The following UNC5B variants were observed in gnomAD, a reference collection of about 807,000 sequenced individuals.
The protein encoded by UNC5B is netrin receptor UNC5B.
In UNC5B, 56 loss-of-function variants were observed where a neutral mutation model predicts 103.7. The observed-to-expected ratio is 0.54, with a 90% CI of 0.44 to 0.67. The LOEUF is 0.67. UNC5B is among the 30% of genes least tolerant of loss of function. The pLI is 0.00. For missense variants in UNC5B, 1,194 were observed against 1,284.5 expected, an observed-to-expected ratio of 0.93 and a Z score of 1.08; for synonymous variants, 577 against 542.0, an observed-to-expected ratio of 1.06 and a Z score of -0.90.
At chr10:71,244,869 A>T (rs762264128) in intron 1 of UNC5B, among the ~76,000 whole-genome samples, 2 of 152,170 alleles carry the variant, frequency 1.3e-5, no homozygotes, top group African/African-American at 2.4e-5. Context: ...TGGCACGCAG[A>T]CCGCCTCCAG....
Position 71,295,895 on chromosome 10 carries a change from C to T in UNC5B, c.2260C>T (p.Leu754=), listed in dbSNP as rs1262301016. 6.2e-7 allele frequency: 1 copy of T among 1,613,366 alleles called. No individual in the cohort carries two copies. The highest frequency in any genetic ancestry group is 8.5e-7 in the Non-Finnish European group (1 of 1,180,028). The change falls in exon 14 of 17, where the codon CTG becomes TTG. Residue 754 remains leucine, a synonymous_variant. Coordinates refer to ENST00000335350, the MANE Select transcript of UNC5B (RefSeq NM_170744.5). ...AATGTTCAAGGACAGTTACCACAAC[C>T]TGCGCCTCTCCCTCCATGACCTCCC... is the stretch of plus-strand genomic sequence containing the variant. ...PLMFKDSYHN[L]RLSLHDLPHA...
At chr10:71,272,273 C>G (rs193234296) in intron 1 of UNC5B, among the ~76,000 whole-genome samples, 3 of 152,208 alleles carry the variant, frequency 2.0e-5, no homozygotes, top group African/African-American at 7.2e-5. Context: ...GTTTCTCTGT[C>G]CTCACCTCCC....
intron 1 of UNC5B, among the ~76,000 whole-genome samples, chr10:71,264,980 A>G (rs1430475490): frequency 6.6e-6 from 1 of 151,736 alleles, no homozygotes; most frequent in African/African-American, 2.4e-5. Context: ...ATAAAAAAAA[A>G]AAAAAAAAAA....
chr10:71,258,994 G>A (rs1406003396), intron 1 of UNC5B, among the ~76,000 whole-genome samples: 3 of 152,252 alleles, frequency 2.0e-5, no homozygotes, highest in South Asian at 2.1e-4. Flanking sequence ...GGCCACGTGA[G>A]CCCAATGTCA....
At chr10:71,214,542 T>C (rs937375288) in intron 1 of UNC5B, among the ~76,000 whole-genome samples, 2 of 151,940 alleles carry the variant, frequency 1.3e-5, no homozygotes, top group Non-Finnish European at 2.9e-5. Flanking sequence ...GGGAGGTGCT[T>C]GGTTGGGGTG....
At chr10:71,275,774 G>C (rs1844755743) in intron 1 of UNC5B, among the ~76,000 whole-genome samples, 1 of 151,992 alleles carries the variant, frequency 6.6e-6, no homozygotes, top group African/African-American at 2.4e-5. Context: ...TCACAGGGAA[G>C]CTGTGGGATA....
At chr10:71,256,484 G>A (rs1035923075) in intron 1 of UNC5B, among the ~76,000 whole-genome samples, 1 of 152,276 alleles carries the variant, frequency 6.6e-6, no homozygotes, top group Non-Finnish European at 1.5e-5. Flanking sequence ...TCCAGTGACA[G>A]GGGCAACCAC....
chr10:71,215,806 G>GGTGTGTGT (rs55848098), intron 1 of UNC5B, among the ~76,000 whole-genome samples: 45 of 149,654 alleles, frequency 3.0e-4, no homozygotes, highest in South Asian at 1.1e-3. Context: ...GTCTCTGCTT[G>GGTGTGTGT]GTGTGTGTGT....
rs544687773 is a variant in UNC5B, at chr10:71,266,494, T to C, written c.80-13327T>C. ...GCGGCCCAGCGATTACATCAGCAGG[T>C]GCAAACAAGCAGGCGGGAGCAGGGA... On this transcript the variant is annotated intron_variant, in intron 1 of 16. Coordinates refer to ENST00000335350, the MANE Select transcript of UNC5B (RefSeq NM_170744.5). Among the ~76,000 whole-genome samples the C allele has an allele frequency of 2.0e-5, 3 of 152,168 alleles. No homozygotes were observed. The East Asian group carries it at 5.8e-4, about 30-fold the overall frequency.
chr10:71,265,951 C>T (rs1480040324), intron 1 of UNC5B, among the ~76,000 whole-genome samples: 3 of 152,148 alleles, frequency 2.0e-5, no homozygotes, highest in Non-Finnish European at 2.9e-5. Context: ...TGAAGGTGCA[C>T]CTATTCTACA....
At chr10:71,245,727 C>T (rs1050829103) in intron 1 of UNC5B, among the ~76,000 whole-genome samples, 1 of 152,208 alleles carries the variant, frequency 6.6e-6, no homozygotes, top group Non-Finnish European at 1.5e-5. Context: ...GCTCCACCCA[C>T]AGCTGCCCTC....
chr10:71,222,767 G>T (rs1843477231), intron 1 of UNC5B, among the ~76,000 whole-genome samples: 1 of 152,208 alleles, frequency 6.6e-6, no homozygotes, highest in Non-Finnish European at 1.5e-5. Flanking sequence ...GATCACCCAG[G>T]AGCCTGCAAC....
intron 1 of UNC5B, among the ~76,000 whole-genome samples, chr10:71,254,031 G>T (rs1372983202): frequency 6.6e-6 from 1 of 152,280 alleles, no homozygotes; most frequent in Admixed American, 6.5e-5. Flanking sequence ...AGCACAGGGG[G>T]AAACGGATGC....
rs543244461 is a variant in UNC5B at position 71,246,519 on chromosome 10, A to G, written c.80-33302A>G. On this transcript the variant is annotated intron_variant, in intron 1 of 16. Transcript: ENST00000335350. Reference sequence around the variant, plus strand: ...TGTGGGTCAGAGTCCTACATATTCAATATCTATTCACCAACAATCAGTGGG... The same window carrying G: ...TGTGGGTCAGAGTCCTACATATTCAGTATCTATTCACCAACAATCAGTGGG... 4.6e-5 allele frequency among the ~76,000 whole-genome samples: 7 copies of G among 152,140 alleles called. No homozygotes were observed. In the South Asian group the frequency reaches 1.5e-3, roughly 32 times the overall value.
intron 4 of UNC5B, 85 bp downstream of exon 4, chr10:71,285,514 A>G: frequency 1.6e-6 from 2 of 1,237,116 alleles, no homozygotes; most frequent in Non-Finnish European, 2.2e-6. Context: ...ACCACCAGCC[A>G]TGGTGCTAGT....
At chr10:71,298,852 T>C (rs981925158) in intron 16 of UNC5B, among the ~76,000 whole-genome samples, 2 of 152,190 alleles carry the variant, frequency 1.3e-5, no homozygotes, top group African/African-American at 4.8e-5. Context: ...GCTAGACCCT[T>C]ACTTTATATG....
intron 1 of UNC5B, among the ~76,000 whole-genome samples, chr10:71,269,734 C>G (rs996214963): frequency 8.6e-5 from 13 of 151,972 alleles, no homozygotes; most frequent in African/African-American, 3.1e-4. Flanking sequence ...CAGAAACAGA[C>G]AGCAAGCTTA....
chr10:71,263,501 G>A (rs1355698698), intron 1 of UNC5B, among the ~76,000 whole-genome samples: 2 of 152,178 alleles, frequency 1.3e-5, no homozygotes, highest in Admixed American at 1.3e-4. Flanking sequence ...GTTATTAAGA[G>A]CCACCCGGAA....
intron 1 of UNC5B, among the ~76,000 whole-genome samples, chr10:71,259,385 CAAA>C (rs57245329): frequency 2.7e-4 from 24 of 90,288 alleles, no homozygotes; most frequent in Admixed American, 3.7e-4. Context: ...GACTCCATCT[CAAA>C]AAAAAAAAAA....
Sources: allele counts gnomAD v4.1 joint callset (sites outside exome capture counted in the v4.1 genomes callset), GRCh38; gene constraint gnomAD v4.1.1; transcripts MANE v1.5; gene names NCBI Gene and HGNC (gene_info 2026-07-23, HGNC 2026-07-21).